Variants in RPS6KA3 observed in about 807,000 individuals in gnomAD.
The protein encoded by RPS6KA3 is ribosomal protein S6 kinase alpha-3.
A neutral mutation model predicts 67.2 loss-of-function variants in RPS6KA3; 4 were observed. That is an observed-to-expected ratio of 0.06 (90% CI 0.03 to 0.14). The LOEUF (loss-of-function observed/expected upper bound fraction) is 0.14. Among genes scored for constraint, RPS6KA3 ranks in the 10% least tolerant of loss-of-function variants. The pLI is 1.00. For missense variants in RPS6KA3, 204 were observed against 559.0 expected (o/e 0.36, Z 6.40); for synonymous variants, 182 against 183.7 (o/e 0.99, Z 0.07).
rs762070846 is a variant in RPS6KA3 at position 20,239,969 on chromosome X, G to A, written c.70-5155C>T. Among the ~76,000 whole-genome samples the A allele has an allele frequency of 9.7e-4, 108 of 111,231 alleles. 1 individual carries two copies. The highest frequency in any genetic ancestry group is 3.2e-3 in the African/African-American group (99 of 30,791). ...CATGATACAACAATGTACTTTTCCA[G>A]GCTGCTGTTTGATACCTCTGAAAAT... is the stretch of plus-strand genomic sequence containing the variant. On this transcript the variant is annotated intron_variant, in intron 1 of 21. Transcript: ENST00000379565.
At position 20,150,410 on chromosome X, in the gene RPS6KA3, C is replaced by A. The variant is rs893444462; in HGVS notation, c.*4988G>T. ...TGTATACCTTCCCTTTTGCTTAGGG[C>A]AACAGTTAAGATAAACTAATACACG... On this transcript the variant is annotated 3_prime_UTR_variant, in exon 22 of 22. Coordinates refer to ENST00000379565, the MANE Select transcript of RPS6KA3 (RefSeq NM_004586.3). 5 of 112,365 alleles carry A rather than the reference C, an allele frequency of 4.4e-5. No individual in the cohort carries two copies. Among genetic ancestry groups the A allele is most frequent in the Admixed American group, 9.5e-5 (1 of 10,580 alleles). The allele number at this position is 112,365 out of a possible 1,213,427, so 9.3% of individuals were successfully genotyped here.
chrX:20,183,687 G>C (rs1318234005), intron 10 of RPS6KA3, among the ~76,000 whole-genome samples: 1 of 112,030 alleles, frequency 8.9e-6, no homozygotes, highest in Admixed American at 9.5e-5. Context: ...ACCTGGTAAA[G>C]CAAGTCTTCC....
At chrX:20,165,496 G>A (rs1430905195) in intron 17 of RPS6KA3, among the ~76,000 whole-genome samples, 1 of 111,462 alleles carries the variant, frequency 9.0e-6, no homozygotes, top group African/African-American at 3.3e-5. Flanking sequence ...TAGGTTGAGA[G>A]ATGGGACATA....
At chrX:20,258,868 A>G (rs989636484) in intron 1 of RPS6KA3, among the ~76,000 whole-genome samples, 1 of 112,026 alleles carries the variant, frequency 8.9e-6, no homozygotes, top group Admixed American at 9.4e-5. Flanking sequence ...AGGACTCACA[A>G]TGTGGAGATG....
At chrX:20,235,190 G>A (rs1416763964) in intron 1 of RPS6KA3, among the ~76,000 whole-genome samples, 1 of 110,273 alleles carries the variant, frequency 9.1e-6, no homozygotes, top group Admixed American at 9.7e-5. Flanking sequence ...ATTAATCAAG[G>A]GAACTGATTA....
At chrX:20,175,409 C>A in intron 13 of RPS6KA3, 121 bp from the exon 14 acceptor site, 2 of 718,967 alleles carry the variant, frequency 2.8e-6, no homozygotes, top group Non-Finnish European at 4.2e-6. Flanking sequence ...ACAGTATATA[C>A]CTCTTGCTTT....
At chrX:20,262,147 A>G (rs1056084155) in intron 1 of RPS6KA3, among the ~76,000 whole-genome samples, 4 of 111,993 alleles carry the variant, frequency 3.6e-5, no homozygotes, top group Non-Finnish European at 3.8e-5. Context: ...CACTGGGTCA[A>G]CCAGGCAAGT....
chrX:20,182,560 C>T (rs1470443857), intron 10 of RPS6KA3, among the ~76,000 whole-genome samples: 1 of 112,145 alleles, frequency 8.9e-6, no homozygotes, highest in African/African-American at 3.2e-5. Context: ...CTATTGTATT[C>T]GACTGTACGA....
chrX:20,151,951 G>A lies in RPS6KA3; in HGVS notation c.*3447C>T, dbSNP rs965674250. The A allele has an allele frequency of 2.7e-5, 3 of 112,145 alleles. No individual in the cohort carries two copies. The Admixed American group carries it at 2.9e-4, about 11-fold the overall frequency. The allele number at this position is 112,145 out of a possible 1,213,427, so 9.2% of individuals were successfully genotyped here. A position where few individuals can be genotyped will look rare whatever the true frequency, so the allele number is the denominator to read the frequency against. On this transcript the variant is annotated 3_prime_UTR_variant, in exon 22 of 22. Coordinates refer to ENST00000379565, the MANE Select transcript of RPS6KA3 (RefSeq NM_004586.3). ...TCCTGGGCTGAAGGTGCAGGGCACA[G>A]CTAACTGGACAGCCCCACCTCCCAT... is the stretch of plus-strand genomic sequence containing the variant.
intron 1 of RPS6KA3, among the ~76,000 whole-genome samples, chrX:20,259,920 G>C (rs934684609): frequency 9.0e-6 from 1 of 110,902 alleles, no homozygotes; most frequent in African/African-American, 3.3e-5. Context: ...AGACTTTTCG[G>C]CTTGAAAAAT....
chrX:20,237,444 T>C lies in RPS6KA3; in HGVS notation c.70-2630A>G, dbSNP rs1192535025. Among the ~76,000 whole-genome samples the C allele has an allele frequency of 2.7e-5, 3 of 111,767 alleles. No homozygotes were observed. In the Admixed American group the frequency reaches 2.9e-4, roughly 11 times the overall value. On this transcript the variant is annotated intron_variant, in intron 1 of 21. Coordinates refer to ENST00000379565, the MANE Select transcript of RPS6KA3 (RefSeq NM_004586.3). The stretch of plus-strand genomic sequence containing the variant: ...TGTATGCAAAGCAAGTGTCACAACT[T>C]ATAACTTACTTTTAAAGAAAACTGG...
intron 10 of RPS6KA3, among the ~76,000 whole-genome samples, chrX:20,180,341 A>G (rs751484728): frequency 2.8e-4 from 31 of 111,187 alleles, no homozygotes; most frequent in African/African-American, 9.5e-4. Context: ...TAATCTTGCT[A>G]AAACAGTTTA....
At chrX:20,197,557 A>C (rs2068305537) in intron 4 of RPS6KA3, among the ~76,000 whole-genome samples, 1 of 112,252 alleles carries the variant, frequency 8.9e-6, no homozygotes, top group East Asian at 2.8e-4. Flanking sequence ...ATTAGAACCA[A>C]GATGATTTTT....
At chrX:20,191,035 G>A (rs2068109833) in intron 7 of RPS6KA3, among the ~76,000 whole-genome samples, 1 of 110,123 alleles carries the variant, frequency 9.1e-6, no homozygotes, top group African/African-American at 3.3e-5. Context: ...CCTAACTCCT[G>A]ACAGGCCCCG....
Position 20,214,422 on chromosome X carries a change from G to T in RPS6KA3, c.127-5018C>A, listed in dbSNP as rs960719817. On this transcript the variant is annotated intron_variant, in intron 2 of 21. Coordinates refer to ENST00000379565, the MANE Select transcript of RPS6KA3 (RefSeq NM_004586.3). Reference sequence around the variant, plus strand: ...TTTGGCTTAGTACCAAATTCCAGAAGAAAAATAATCTTGGCTCAGAACTTT... The same window carrying T: ...TTTGGCTTAGTACCAAATTCCAGAATAAAAATAATCTTGGCTCAGAACTTT... Among the ~76,000 whole-genome samples the T allele has an allele frequency of 3.6e-5, 4 of 112,373 alleles. No individual in the cohort carries two copies. In the Admixed American group the frequency reaches 3.8e-4, roughly 11 times the overall value.
At chrX:20,243,806 C>T (rs1177596918) in intron 1 of RPS6KA3, among the ~76,000 whole-genome samples, 1 of 111,461 alleles carries the variant, frequency 9.0e-6, no homozygotes, top group Non-Finnish European at 1.9e-5. Context: ...AAAACCCCTA[C>T]TCTTAATCAC....
chrX:20,225,353 C>T lies in RPS6KA3; in HGVS notation c.126+9405G>A, dbSNP rs1281056297. On this transcript the variant is annotated intron_variant, in intron 2 of 21. Transcript: ENST00000379565. ...AGCCAAAAATGTAGCAAAGGGAAAC[C>T]TTTGCCTGTGCTTGGAAATTTTCCT... is the stretch of plus-strand genomic sequence containing the variant. Among the ~76,000 whole-genome samples, 4 of 106,550 alleles carry T rather than the reference C, an allele frequency of 3.8e-5. No individual in the cohort carries two copies. The East Asian group carries it at 8.9e-4, about 24-fold the overall frequency. 92.5% of individuals were successfully genotyped at this position (106,550 alleles called of 115,157 possible).
intron 3 of RPS6KA3, among the ~76,000 whole-genome samples, 180 bp downstream of exon 3, chrX:20,209,108 C>T (rs1284572389): frequency 1.8e-5 from 2 of 111,986 alleles, no homozygotes; most frequent in Non-Finnish European, 3.8e-5. Flanking sequence ...AAGTCTCCAA[C>T]GTACTTTTGA....
rs2067160520 is a variant in RPS6KA3, at chrX:20,155,069, T to C, written c.*329A>G. ...GAATATTTAAGGGACATGAAATATTTCCTATAAAAATAATGCTATATGGTG... is the reference window on the plus strand; with the variant it reads ...GAATATTTAAGGGACATGAAATATTCCCTATAAAAATAATGCTATATGGTG... On this transcript the variant is annotated 3_prime_UTR_variant, in exon 22 of 22. Coordinates refer to ENST00000379565, the MANE Select transcript of RPS6KA3 (RefSeq NM_004586.3). The C allele has an allele frequency of 7.5e-6, 2 of 268,153 alleles. No individual in the cohort carries two copies. Among genetic ancestry groups the C allele is most frequent in the African/African-American group, 2.7e-5 (1 of 36,669 alleles). The allele number at this position is 268,153 out of a possible 1,213,427, so 22.1% of individuals were successfully genotyped here. A position where few individuals can be genotyped will look rare whatever the true frequency, so the allele number is the denominator to read the frequency against.
Sources: gnomAD v4.1 joint callset for allele counts (sites outside exome capture counted in the v4.1 genomes callset) on GRCh38, gnomAD v4.1.1 for gene constraint, MANE v1.5 for transcripts, NCBI Gene and HGNC (gene_info 2026-07-23, HGNC 2026-07-21) for gene names.